EXOC7: variants seen among roughly 807,000 people sequenced by gnomAD.
EXOC7 encodes exocyst complex component 7, also known as exocyst complex component Exo70.
EXOC7 carries 51 observed loss-of-function variants against 87.6 expected under a neutral mutation model. The observed-to-expected ratio is 0.58, with a 90% CI of 0.46 to 0.73. The LOEUF is 0.73. Ranked by LOEUF, EXOC7 falls within the 30% of genes least tolerant of loss-of-function variation. The pLI is 0.00. For missense variants in EXOC7, 744 were observed against 888.4 expected, an observed-to-expected ratio of 0.84 and a Z score of 2.07; for synonymous variants, 327 against 357.1, an observed-to-expected ratio of 0.92 and a Z score of 0.95.
Position 76,088,777 on chromosome 17 carries a change from C to T in EXOC7, c.1194G>A (p.Val398=). ...LKQTKPEFDQ[V]LQGTAASTKN... is the part of the protein sequence containing the mutation. ...GGGCCCCTCGCCCACATACCTGGAG[C>T]ACCTGGTCAAACTCAGGCTTGGTCT... The change falls in exon 9 of 19, where the codon GTG becomes GTA. Residue 398 remains valine, a synonymous_variant. Coordinates refer to ENST00000589210, the MANE Select transcript of EXOC7 (RefSeq NM_001013839.4). 6.2e-7 allele frequency: 1 copy of T among 1,613,612 alleles called. No homozygotes were observed. The highest frequency in any genetic ancestry group is 8.5e-7 in the Non-Finnish European group (1 of 1,179,990).
At chr17:76,086,008 C>A in intron 13 of EXOC7, 72 bp downstream of exon 13, 1 of 1,573,978 alleles carries the variant, frequency 6.4e-7, no homozygotes, top group African/African-American at 1.3e-5. Flanking sequence ...AGCCAGAGAG[C>A]ACAGACAGAA....
At chr17:76,101,464 C>G (rs2068057781) in intron 3 of EXOC7, 88 bp from the exon 4 acceptor site, 1 of 1,525,238 alleles carries the variant, frequency 6.6e-7, no homozygotes, top group Non-Finnish European at 8.8e-7. Context: ...AAAATTAATA[C>G]AGGGGACTCC....
chr17:76,088,111 G>C lies in EXOC7; in HGVS notation c.1311C>G (p.Asp437Glu). ...CGTCCTTCGGCATGTTGTACTCCTTGTCCGGGTCATTCTGTGGAAAAACAG... is the reference window on the plus strand; with the variant it reads ...CGTCCTTCGGCATGTTGTACTCCTTCTCCGGGTCATTCTGTGGAAAAACAG... ...DFADNIKNDP[D>E]KEYNMPKDGT... The change falls in exon 11 of 19, where the codon GAC (aspartate) becomes GAG (glutamate). Residue 437 changes from aspartate to glutamate, a missense_variant. By Grantham distance (45) the Asp-to-Glu change is conservative (BLOSUM62 2). This residue lies in a region of EXOC7 where 512 missense variants were observed against 573.0 expected (regional missense o/e 0.89). Coordinates refer to ENST00000589210, the MANE Select transcript of EXOC7 (RefSeq NM_001013839.4). 6.2e-7 allele frequency: 1 copy of C among 1,613,940 alleles called. No individual in the cohort carries two copies. Among genetic ancestry groups the C allele is most frequent in the South Asian group, 1.1e-5 (1 of 91,070 alleles).
intron 9 of EXOC7, 41 bp from the exon 10 acceptor site, chr17:76,088,603 C>G (rs778484078): frequency 5.6e-6 from 9 of 1,602,236 alleles, no homozygotes; most frequent in African/African-American, 5.4e-5. Flanking sequence ...CCTCCAGTCG[C>G]TCTGTGAGCA....
In EXOC7 at chr17:76,081,625, C is replaced by T. The variant is rs569770443; in HGVS notation, c.*2023G>A. On this transcript the variant is annotated 3_prime_UTR_variant, in exon 19 of 19. Transcript: ENST00000589210. ...AGGCACTGCTGTTGGCTGACGTGTGCGGGGGGTTGCTGCCCCTCCGGGCCA... is the reference window on the plus strand; with the variant it reads ...AGGCACTGCTGTTGGCTGACGTGTGTGGGGGGTTGCTGCCCCTCCGGGCCA... 21 of 1,614,084 alleles carry T rather than the reference C, an allele frequency of 1.3e-5. No homozygotes were observed. In the Middle Eastern group the frequency reaches 2.3e-3, roughly 178 times the overall value.
Position 76,083,651 on chromosome 17 carries a change from G to A in EXOC7, c.2052C>T (p.Ala684=). The change falls in exon 19 of 19, where the codon GCC becomes GCT. Residue 684 remains alanine, a synonymous_variant. Transcript: ENST00000589210. ...CCAGGCAGGGCTAGCAGCAGGCTCA[G>A]GCAGAGGTGTCGAAAAGGCGATCGA... The part of the protein sequence containing the change: ...DMIDRLFDTS[A] The A allele has an allele frequency of 1.2e-6, 2 of 1,613,764 alleles. No individual in the cohort carries two copies. The highest frequency in any genetic ancestry group is 1.7e-6 in the Non-Finnish European group (2 of 1,179,880).
chr17:76,084,179 C>G (rs770879521), intron 17 of EXOC7, 40 bp from the exon 18 acceptor site: 1 of 1,596,944 alleles, frequency 6.3e-7, no homozygotes, highest in Non-Finnish European at 8.5e-7. Flanking sequence ...CACCCAGAGA[C>G]AAACATTTTG....
At chr17:76,085,577 C>G in intron 14 of EXOC7, 100 bp downstream of exon 14, 1 of 1,587,810 alleles carries the variant, frequency 6.3e-7, no homozygotes, top group Non-Finnish European at 8.6e-7. Flanking sequence ...CCCCTCCCCT[C>G]TCGTCCACAA....
At chr17:76,089,443 G>A (rs1427163769) in intron 7 of EXOC7, 123 bp from the exon 8 acceptor site, 1 of 1,274,096 alleles carries the variant, frequency 7.8e-7, no homozygotes, top group Non-Finnish European at 1.1e-6. Context: ...GGAAGAGGCT[G>A]ACTGTTCTGG....
intron 4 of EXOC7, 155 bp from the exon 5 acceptor site, chr17:76,098,173 T>C: frequency 1.6e-6 from 1 of 621,950 alleles, no homozygotes; most frequent in South Asian, 2.0e-5. Flanking sequence ...AGTCTCGCTC[T>C]GTCACCAGGC....
intron 8 of EXOC7, 61 bp from the exon 9 acceptor site, chr17:76,088,984 G>T: frequency 6.4e-7 from 1 of 1,566,252 alleles, no homozygotes; most frequent in Non-Finnish European, 8.7e-7. Context: ...TTCTGGGCTA[G>T]TGGGGGATCC....
At chr17:76,090,880 A>G in intron 7 of EXOC7, 1 of 555,748 alleles carries the variant, frequency 1.8e-6, no homozygotes, top group Non-Finnish European at 3.2e-6. Flanking sequence ...CTGAGTTCAC[A>G]CAGGAGACAA....
chr17:76,098,279 G>T (rs955207096), intron 4 of EXOC7, among the ~76,000 whole-genome samples: 1 of 152,020 alleles, frequency 6.6e-6, no homozygotes, highest in Admixed American at 6.5e-5. Context: ...TGGGATTACA[G>T]GCACGTGCCA....
intron 4 of EXOC7, among the ~76,000 whole-genome samples, chr17:76,098,662 C>G (rs900729350): frequency 9.9e-5 from 15 of 150,790 alleles, no homozygotes; most frequent in Non-Finnish European, 1.9e-4. Flanking sequence ...GAGATCGAGA[C>G]CATCCTGGCT....
intron 11 of EXOC7, 52 bp from the exon 12 acceptor site, chr17:76,087,772 G>A (rs1215093926): frequency 6.5e-7 from 1 of 1,534,672 alleles, no homozygotes. Flanking sequence ...CCGGCCGACG[G>A]CCTCCCACAG....
At chr17:76,101,973 C>G (rs1460925069) in intron 2 of EXOC7, 110 bp from the exon 3 acceptor site, 6 of 844,732 alleles carry the variant, frequency 7.1e-6, no homozygotes, top group Non-Finnish European at 1.1e-5. Flanking sequence ...AGACAATAAA[C>G]TCCACAAGCG....
At chr17:76,097,681 G>C in intron 5 of EXOC7, 115 bp downstream of exon 5, 3 of 701,966 alleles carry the variant, frequency 4.3e-6, no homozygotes, top group Non-Finnish European at 6.6e-6. Context: ...TCCAGCATGG[G>C]CAACAGAGCA....
At chr17:76,086,579 G>A (rs2067221713) in intron 12 of EXOC7, among the ~76,000 whole-genome samples, 1 of 152,174 alleles carries the variant, frequency 6.6e-6, no homozygotes, top group South Asian at 2.1e-4. Flanking sequence ...CGAAGCTGCG[G>A]CCTGCACAGT....
At chr17:76,098,865 C>CAAA (rs55644538) in intron 4 of EXOC7, among the ~76,000 whole-genome samples, 1 of 106,868 alleles carries the variant, frequency 9.4e-6, no homozygotes. Flanking sequence ...GACTCCGTCT[C>CAAA]AAAAAAAAAA....
Sources: allele counts gnomAD v4.1 joint callset (sites outside exome capture counted in the v4.1 genomes callset), GRCh38; gene constraint gnomAD v4.1.1; regional missense constraint gnomAD v4.1.1; transcripts MANE v1.5; gene names NCBI Gene and HGNC (gene_info 2026-07-23, HGNC 2026-07-21).